The following GRID1 variants were observed in gnomAD, a reference collection of about 807,000 sequenced individuals.
GRID1 encodes glutamate ionotropic receptor delta type subunit 1, also known as glutamate receptor ionotropic, delta-1.
GRID1 carries 28 observed loss-of-function variants against 98.0 expected under a neutral mutation model. The ratio of observed to expected loss-of-function variants is 0.29; its 90% confidence interval spans 0.21 to 0.39. The LOEUF (loss-of-function observed/expected upper bound fraction) is 0.39, where lower values mean the gene tolerates loss of function less well. GRID1 is among the 10% of genes least tolerant of loss of function. The pLI is 1.00. For synonymous variants in GRID1, 553 were observed against 538.5 expected (o/e 1.03, Z -0.37); for missense variants, 1,111 against 1,340.5 (o/e 0.83, Z 2.67).
chr10:86,072,247 CA>C (rs940168058), intron 4 of GRID1, among the ~76,000 whole-genome samples: 8 of 150,566 alleles, frequency 5.3e-5, no homozygotes, highest in East Asian at 3.9e-4. Context: ...AACTTTCCTC[CA>C]AAAAAAAATC....
intron 2 of GRID1, among the ~76,000 whole-genome samples, chr10:86,283,297 T>A (rs1847381512): frequency 6.6e-6 from 1 of 152,064 alleles, no homozygotes; most frequent in Admixed American, 6.6e-5. Context: ...TTTGCACAGG[T>A]TGGGGAGGGG....
Position 85,906,718 on chromosome 10 carries a change from C to A in GRID1, c.780+9468G>T, listed in dbSNP as rs1841466570. 2.0e-5 allele frequency among the ~76,000 whole-genome samples: 3 copies of A among 151,988 alleles called. No homozygotes were observed. In the South Asian group the frequency reaches 6.2e-4, roughly 32 times the overall value. Reference sequence around the variant, plus strand: ...ACTAAATAATGAAAGCACAACATATCAAGATTTGTGGGATGTCACTAAATC... The same window carrying A: ...ACTAAATAATGAAAGCACAACATATAAAGATTTGTGGGATGTCACTAAATC... On this transcript the variant is annotated intron_variant, in intron 5 of 15. Transcript: ENST00000327946.
intron 8 of GRID1, among the ~76,000 whole-genome samples, chr10:85,835,088 A>G (rs932028485): frequency 4.6e-5 from 7 of 152,226 alleles, no homozygotes; most frequent in Admixed American, 4.6e-4. Context: ...AAAGAGGGAC[A>G]TTACAAAATT....
At chr10:86,237,467 A>G (rs1455221816) in intron 2 of GRID1, among the ~76,000 whole-genome samples, 1 of 152,112 alleles carries the variant, frequency 6.6e-6, no homozygotes, top group Non-Finnish European at 1.5e-5. Flanking sequence ...TTTGGAGGCC[A>G]AGGCGGGTGG....
intron 4 of GRID1, among the ~76,000 whole-genome samples, chr10:86,057,845 G>A (rs1843595830): frequency 1.3e-5 from 2 of 152,162 alleles, no homozygotes; most frequent in African/African-American, 4.8e-5. Context: ...TTTCCCACAA[G>A]TCAGTAAACC....
At chr10:86,213,401 TC>T (rs1564708180) in intron 2 of GRID1, among the ~76,000 whole-genome samples, 1 of 151,772 alleles carries the variant, frequency 6.6e-6, no homozygotes, top group African/African-American at 2.4e-5. Context: ...CCAGGTTTAT[TC>T]CCCAAGTTCA....
intron 4 of GRID1, among the ~76,000 whole-genome samples, chr10:86,118,980 T>A (rs1345948021): frequency 6.6e-6 from 1 of 152,118 alleles, no homozygotes; most frequent in East Asian, 1.9e-4. Context: ...ACTAATGCAA[T>A]GTGGTATCCT....
chr10:85,929,416 C>T (rs970702753), intron 4 of GRID1, among the ~76,000 whole-genome samples: 1 of 152,204 alleles, frequency 6.6e-6, no homozygotes, highest in African/African-American at 2.4e-5. Context: ...GGGCCTAGTT[C>T]TCCAGCATTC....
intron 8 of GRID1, among the ~76,000 whole-genome samples, chr10:85,737,670 A>ATG (rs1564575099): frequency 1.5e-5 from 2 of 133,280 alleles, no homozygotes; most frequent in African/African-American, 5.7e-5. Context: ...ATATATATAT[A>ATG]TATAAACATA....
At chr10:86,363,520 C>T (rs1374460162) in intron 2 of GRID1, among the ~76,000 whole-genome samples, 14 of 152,204 alleles carry the variant, frequency 9.2e-5, no homozygotes, top group African/African-American at 1.2e-4. Context: ...CTCCTCACCT[C>T]GAAGCGAGGA....
intron 2 of GRID1, among the ~76,000 whole-genome samples, chr10:86,301,812 C>A (rs749078960): frequency 6.6e-6 from 1 of 152,246 alleles, no homozygotes; most frequent in Non-Finnish European, 1.5e-5. Context: ...TTCTTAAGGC[C>A]TCAGTACTAT....
chr10:86,073,173 A>T (rs1414577786), intron 4 of GRID1, among the ~76,000 whole-genome samples: 1 of 152,230 alleles, frequency 6.6e-6, no homozygotes, highest in East Asian at 1.9e-4. Context: ...ATAAATTCTG[A>T]TTAAAATGAT....
intron 4 of GRID1, among the ~76,000 whole-genome samples, chr10:85,997,651 G>C (rs1187585369): frequency 6.6e-6 from 1 of 151,764 alleles, no homozygotes; most frequent in Admixed American, 6.6e-5. Flanking sequence ...AAAGAAGGCA[G>C]AAAATAGCAA....
intron 4 of GRID1, among the ~76,000 whole-genome samples, chr10:86,001,655 T>C (rs1266949235): frequency 6.6e-6 from 1 of 152,244 alleles, no homozygotes; most frequent in Non-Finnish European, 1.5e-5. Flanking sequence ...TCTGTGATTC[T>C]GCTACAAAGT....
chr10:85,620,101 C>A, intron 13 of GRID1, 68 bp from the exon 14 acceptor site: 2 of 1,353,868 alleles, frequency 1.5e-6, no homozygotes, highest in Non-Finnish European at 2.1e-6. Context: ...ATTGGTGAGC[C>A]ATCTTGATGG....
At chr10:86,057,894 T>C (rs1843596388) in intron 4 of GRID1, among the ~76,000 whole-genome samples, 1 of 152,178 alleles carries the variant, frequency 6.6e-6, no homozygotes, top group African/African-American at 2.4e-5. Flanking sequence ...GGCTTACGCA[T>C]GCATGTTGAT....
chr10:86,288,843 G>A (rs1418249124), intron 2 of GRID1, among the ~76,000 whole-genome samples: 3 of 152,178 alleles, frequency 2.0e-5, no homozygotes, highest in South Asian at 2.1e-4. Context: ...AGCAGGCAGC[G>A]CAGGCACCAA....
intron 2 of GRID1, among the ~76,000 whole-genome samples, chr10:86,211,415 C>G (rs190752276): frequency 1.6e-4 from 25 of 152,332 alleles, no homozygotes; most frequent in Middle Eastern, 6.8e-3. Context: ...TCCAGCCCCC[C>G]CACCTGCACC....
chr10:85,954,178 C>T (rs908024702), intron 4 of GRID1, among the ~76,000 whole-genome samples: 2 of 152,122 alleles, frequency 1.3e-5, no homozygotes, highest in Non-Finnish European at 2.9e-5. Flanking sequence ...TCCCAGAAAA[C>T]AACATCATGA....
Sources: gnomAD v4.1 joint callset for allele counts (sites outside exome capture counted in the v4.1 genomes callset) on GRCh38, gnomAD v4.1.1 for gene constraint, MANE v1.5 for transcripts, NCBI Gene and HGNC (gene_info 2026-07-23, HGNC 2026-07-21) for gene names.